The following PTPN13 variants were observed in gnomAD, a reference collection of about 807,000 sequenced individuals.
PTPN13 encodes protein tyrosine phosphatase non-receptor type 13.
In PTPN13, 191 loss-of-function variants were observed where a neutral mutation model predicts 284.0. That is an observed-to-expected ratio of 0.67 (90% confidence interval 0.60 to 0.76). PTPN13 has a LOEUF of 0.76. Ranked by LOEUF, PTPN13 falls within the 30% of genes least tolerant of loss-of-function variation. The pLI is 0.00. For missense variants in PTPN13, 2,797 were observed against 2,939.9 expected, an observed-to-expected ratio of 0.95 and a Z score of 1.12; for synonymous variants, 986 against 1,022.3, an observed-to-expected ratio of 0.96 and a Z score of 0.68.
chr4:86,711,488 A>C (rs1361009390), intron 7 of PTPN13, among the ~76,000 whole-genome samples: 2 of 152,074 alleles, frequency 1.3e-5, no homozygotes, highest in Non-Finnish European at 2.9e-5. Flanking sequence ...ACATTTGGTG[A>C]TGTACTAAGG....
At chr4:86,628,951 C>T (rs990355388) in intron 1 of PTPN13, among the ~76,000 whole-genome samples, 3 of 151,336 alleles carry the variant, frequency 2.0e-5, no homozygotes, top group Middle Eastern at 3.4e-3. Context: ...TGAATAGTGC[C>T]GCAATAAACA....
chr4:86,606,069 G>A (rs1764712445), intron 1 of PTPN13, among the ~76,000 whole-genome samples: 1 of 151,844 alleles, frequency 6.6e-6, no homozygotes, highest in Non-Finnish European at 1.5e-5. Context: ...TGGGTGAAAT[G>A]GAAAGTGATT....
At chr4:86,810,151 T>C (rs1745068694) in intron 46 of PTPN13, among the ~76,000 whole-genome samples, 167 bp downstream of exon 46, 1 of 152,206 alleles carries the variant, frequency 6.6e-6, no homozygotes, top group Admixed American at 6.5e-5. Flanking sequence ...TAAACATTGG[T>C]ATTCAAAACT....
intron 2 of PTPN13, among the ~76,000 whole-genome samples, chr4:86,644,293 G>A (rs780896103): frequency 5.9e-5 from 9 of 151,898 alleles, no homozygotes; most frequent in Admixed American, 2.6e-4. Context: ...TACCACGCTC[G>A]GCCAAATTTT....
rs1208321609 is a variant in PTPN13, at chr4:86,787,226, CT to C, written c.6345+1298del. Among the ~76,000 whole-genome samples, 18 of 152,012 alleles carry C rather than the reference CT, an allele frequency of 1.2e-4. No individual in the cohort carries two copies. The East Asian group carries it at 1.9e-3, about 16-fold the overall frequency. On this transcript the variant is annotated intron_variant, in intron 40 of 47. Transcript: ENST00000411767. ...TGGCAGAAAACTTCTTTCAAGTTATCTTTTTTTTATTATTTTCATTATGAAA... is the reference window on the plus strand; with the variant it reads ...TGGCAGAAAACTTCTTTCAAGTTATCTTTTTTTATTATTTTCATTATGAAA...
chr4:86,759,093 C>T lies in PTPN13; in HGVS notation c.3553+20C>T, dbSNP rs368333751. 2.3e-5 allele frequency: 37 copies of T among 1,604,200 alleles called. No individual in the cohort carries two copies. The highest frequency in any genetic ancestry group is 3.1e-5 in the Non-Finnish European group (36 of 1,175,698). ...CCAAAGGTAATGTGAATGTCTCTTA[C>T]TTATGTATTCTGTTTCACTTTTCTG... On this transcript the variant is annotated intron_variant, in intron 23 of 47. Transcript: ENST00000411767.
At chr4:86,647,546 T>A (rs537909273) in intron 2 of PTPN13, among the ~76,000 whole-genome samples, 176 of 151,892 alleles carry the variant, frequency 1.2e-3, no homozygotes, top group Non-Finnish European at 2.3e-3. Context: ...ATGAGAAAAA[T>A]TTTAAAAATT....
chr4:86,762,808 ATTC>A lies in PTPN13; in HGVS notation c.3642_3644del (p.Ser1215del), dbSNP rs1332487445. 1.2e-6 allele frequency: 2 copies of A among 1,613,816 alleles called. No homozygotes were observed. The highest frequency in any genetic ancestry group is 3.3e-5 in the Admixed American group (2 of 60,022). On this transcript the variant is annotated inframe_deletion, in exon 24 of 48. Transcript: ENST00000411767. ...TCCTACATGCAAGACAGTGCTATAG[ATTC>A]TTCTTCCAAGGATCACCACTGGTCA... is the stretch of plus-strand genomic sequence containing the variant.
chr4:86,739,637 T>G (rs1035402535), intron 15 of PTPN13, among the ~76,000 whole-genome samples: 16 of 152,106 alleles, frequency 1.1e-4, no homozygotes, highest in African/African-American at 3.9e-4. Context: ...CTCCCAAATC[T>G]CATGTCCTCA....
chr4:86,629,323 T>C (rs1387901538), intron 1 of PTPN13, among the ~76,000 whole-genome samples: 5 of 148,260 alleles, frequency 3.4e-5, no homozygotes, highest in Non-Finnish European at 7.4e-5. Flanking sequence ...AAGACATTTA[T>C]GCAGCCAAAA....
intron 40 of PTPN13, among the ~76,000 whole-genome samples, chr4:86,794,834 T>A (rs1743135347): frequency 6.6e-6 from 1 of 152,194 alleles, no homozygotes; most frequent in Admixed American, 6.5e-5. Context: ...CTGGGAAAAC[T>A]GGCTGGCCAT....
At chr4:86,698,957 TGAG>T (rs1730849586) in intron 6 of PTPN13, among the ~76,000 whole-genome samples, 1 of 152,092 alleles carries the variant, frequency 6.6e-6, no homozygotes, top group Non-Finnish European at 1.5e-5. Flanking sequence ...ATTGAAAATA[TGAG>T]GAGATAGCAA....
At chr4:86,688,478 TA>T (rs917705842) in intron 4 of PTPN13, among the ~76,000 whole-genome samples, 82 of 147,838 alleles carry the variant, frequency 5.5e-4, no homozygotes, top group African/African-American at 1.3e-3. Flanking sequence ...CGTTAACTAA[TA>T]AAAAAAAAAC....
At chr4:86,676,298 G>T (rs1306891914) in intron 3 of PTPN13, among the ~76,000 whole-genome samples, 1 of 152,096 alleles carries the variant, frequency 6.6e-6, no homozygotes, top group Non-Finnish European at 1.5e-5. Context: ...TTAAATGTTG[G>T]GCTTGTAGGG....
intron 9 of PTPN13, among the ~76,000 whole-genome samples, chr4:86,719,854 A>T (rs960434221): frequency 6.6e-6 from 1 of 152,132 alleles, no homozygotes; most frequent in Non-Finnish European, 1.5e-5. Context: ...TTCCCTGTAG[A>T]TGCTGGGTAT....
At chr4:86,619,454 A>T (rs867989094) in intron 1 of PTPN13, among the ~76,000 whole-genome samples, 6 of 152,204 alleles carry the variant, frequency 3.9e-5, no homozygotes, top group African/African-American at 1.4e-4. Flanking sequence ...TTCAGTTTTT[A>T]AAAAATCTAA....
At chr4:86,812,737 G>T (rs988041013) in intron 47 of PTPN13, among the ~76,000 whole-genome samples, 1 of 152,082 alleles carries the variant, frequency 6.6e-6, no homozygotes, top group African/African-American at 2.4e-5. Flanking sequence ...AGAGAAGGAA[G>T]AGTGAAGGAG....
intron 9 of PTPN13, among the ~76,000 whole-genome samples, chr4:86,719,768 C>T (rs1232506259): frequency 6.6e-6 from 1 of 152,084 alleles, no homozygotes; most frequent in Non-Finnish European, 1.5e-5. Flanking sequence ...GCATGTATAT[C>T]TTCTTTTAAG....
intron 28 of PTPN13, among the ~76,000 whole-genome samples, chr4:86,768,387 T>G (rs539475512): frequency 1.3e-5 from 2 of 152,326 alleles, no homozygotes; most frequent in African/African-American, 4.8e-5. Flanking sequence ...CACATAGTAG[T>G]GCCCAGAAAG....
Sources: gnomAD v4.1 joint callset for allele counts (sites outside exome capture counted in the v4.1 genomes callset) on GRCh38, gnomAD v4.1.1 for gene constraint, MANE v1.5 for transcripts, NCBI Gene and HGNC (gene_info 2026-07-23, HGNC 2026-07-21) for gene names.